PXN: variants seen among roughly 807,000 people sequenced by gnomAD.
The protein encoded by PXN is paxillin.
In PXN, 61 loss-of-function variants were observed where a neutral mutation model predicts 103.6. The ratio of observed to expected loss-of-function variants is 0.59; its 90% confidence interval spans 0.48 to 0.73. PXN has a LOEUF of 0.73. PXN is among the 30% of genes least tolerant of loss of function. PXN has a pLI of 0.00. For synonymous variants in PXN, 562 were observed against 607.8 expected (o/e 0.92, Z 1.11); for missense variants, 1,274 against 1,460.3 (o/e 0.87, Z 2.08).
rs1032487618 is a variant in PXN at position 120,210,884 on chromosome 12, C to A, written c.*1430G>T. 1.3e-5 allele frequency: 2 copies of A among 152,654 alleles called. No homozygotes were observed. Among genetic ancestry groups the A allele is most frequent in the East Asian group, 1.9e-4 (1 of 5,196 alleles). The allele number at this position is 152,654 out of a possible 1,614,324, so 9.5% of individuals were successfully genotyped here. A position where few individuals can be genotyped will look rare whatever the true frequency, so the allele number is the denominator to read the frequency against. ...GGGGGTTTCCCCAGAGGAGCCTGTC[C>A]CTCTGCCCCAAATCCTATCATGCTC... On this transcript the variant is annotated 3_prime_UTR_variant, in exon 15 of 15. Coordinates refer to ENST00000637617, the MANE Select transcript of PXN (RefSeq NM_001385981.1).
Position 120,212,044 on chromosome 12 carries a change from G to C in PXN, c.*270C>G. ...GTTCGTGGGGACGTACATGGGCTGG[G>C]GTGGAGCCCCCAGCCTCTACCCCTG... On this transcript the variant is annotated 3_prime_UTR_variant, in exon 15 of 15. Coordinates refer to ENST00000637617, the MANE Select transcript of PXN (RefSeq NM_001385981.1). This position sits in a 1 kb window ranked among gnomAD's most constrained non-coding sequence, Gnocchi z 7.2. The C allele has an allele frequency of 2.9e-6, 2 of 695,042 alleles. No homozygotes were observed. The highest frequency in any genetic ancestry group is 5.4e-6 in the Non-Finnish European group (2 of 373,718). The allele number at this position is 695,042 out of a possible 1,614,324, so 43.1% of individuals were successfully genotyped here.
At position 120,225,997 on chromosome 12, in the gene PXN, G is replaced by T; in HGVS notation, c.14-1620C>A. On this transcript the variant is annotated intron_variant, in intron 1 of 14. Coordinates refer to ENST00000637617, the MANE Select transcript of PXN (RefSeq NM_001385981.1). The surrounding 1 kb of genome is among the most constrained non-coding windows in gnomAD (Gnocchi z 4.4). ...GTCGCCTGACCTCCAAGGAAGTTCA[G>T]GTCCTACAGCCCGCCCCGCCCTCCG... 1 of 1,024,352 alleles carries T rather than the reference G, an allele frequency of 9.8e-7. No homozygotes were observed. Among genetic ancestry groups the T allele is most frequent in the Non-Finnish European group, 1.2e-6 (1 of 831,298 alleles). The allele number at this position is 1,024,352 out of a possible 1,614,324, so 63.5% of individuals were successfully genotyped here.
At chr12:120,232,875 C>A (rs1021000701) in intron 1 of PXN, among the ~76,000 whole-genome samples, 2 of 152,190 alleles carry the variant, frequency 1.3e-5, no homozygotes, top group Non-Finnish European at 2.9e-5. Context: ...AACCAGCCAG[C>A]ACCTTCCCCT....
chr12:120,237,650 TC>T (rs1444614512), intron 1 of PXN, among the ~76,000 whole-genome samples: 5 of 152,088 alleles, frequency 3.3e-5, no homozygotes, highest in Non-Finnish European at 4.4e-5. Flanking sequence ...CCCAGAGTGC[TC>T]CCCGAGCTGA....
At position 120,222,802 on chromosome 12, in the gene PXN, C is replaced by T. The variant is rs1885582636; in HGVS notation, c.494-52G>A. 1 of 1,603,860 alleles carries T rather than the reference C, an allele frequency of 6.2e-7. No individual in the cohort carries two copies. Among genetic ancestry groups the T allele is most frequent in the African/African-American group, 1.3e-5 (1 of 74,868 alleles). On this transcript the variant is annotated intron_variant, in intron 4 of 14. Transcript: ENST00000637617. The surrounding 1 kb of genome is among the most constrained non-coding windows in gnomAD (Gnocchi z 4.7). ...CTCAGCCCTTGAGCCCTCCTGGGATCTAGAGGTCAGCAGATGGGCCCTGGG... is the reference window on the plus strand; with the variant it reads ...CTCAGCCCTTGAGCCCTCCTGGGATTTAGAGGTCAGCAGATGGGCCCTGGG...
intron 1 of PXN, among the ~76,000 whole-genome samples, chr12:120,237,464 C>T (rs1386419170): frequency 6.6e-6 from 1 of 152,132 alleles, no homozygotes; most frequent in African/African-American, 2.4e-5. Context: ...GCCCCACCCG[C>T]ATGTGTTCCA....
At chr12:120,232,576 A>C (rs11065056) in intron 1 of PXN, among the ~76,000 whole-genome samples, 19,512 of 152,204 alleles carry the variant, frequency 0.13, 1,362 homozygotes, top group African/African-American at 0.15. Flanking sequence ...CAGGAGACTC[A>C]TGGGCTGGAA....
intron 1 of PXN, among the ~76,000 whole-genome samples, chr12:120,246,793 T>C (rs958020997): frequency 1.3e-5 from 2 of 150,632 alleles, no homozygotes; most frequent in African/African-American, 4.9e-5. Context: ...AGGCAGAGGT[T>C]GCAGTGAGCC....
chr12:120,243,116 G>A (rs913435583), intron 1 of PXN, among the ~76,000 whole-genome samples: 5 of 152,040 alleles, frequency 3.3e-5, no homozygotes, highest in African/African-American at 4.8e-5. Flanking sequence ...TTGCACACAC[G>A]TCCGCCCTCC....
intron 1 of PXN, among the ~76,000 whole-genome samples, chr12:120,251,438 A>ACC (rs1431811671): frequency 5.3e-5 from 8 of 151,360 alleles, no homozygotes; most frequent in South Asian, 4.2e-4. Context: ...AATCACTTGA[A>ACC]CATGGGAGGT....
In PXN at chr12:120,212,667, C is replaced by A; in HGVS notation, c.2980-87G>T. The A allele has an allele frequency of 6.7e-7, 1 of 1,501,800 alleles. No homozygotes were observed. Among genetic ancestry groups the A allele is most frequent in the Non-Finnish European group, 9.0e-7 (1 of 1,110,342 alleles). The allele number at this position is 1,501,800 out of a possible 1,614,324, so 93.0% of individuals were successfully genotyped here. A position where few individuals can be genotyped will look rare whatever the true frequency, so the allele number is the denominator to read the frequency against. Reference sequence around the variant, plus strand: ...ATGGGGCCGAGGTGGGCATAGTCGGCACGCTCGGAGTGACTCCTACTTGCT... The same window carrying A: ...ATGGGGCCGAGGTGGGCATAGTCGGAACGCTCGGAGTGACTCCTACTTGCT... On this transcript the variant is annotated intron_variant, in intron 14 of 14. Coordinates refer to ENST00000637617, the MANE Select transcript of PXN (RefSeq NM_001385981.1). This position sits in a 1 kb window ranked among gnomAD's most constrained non-coding sequence, Gnocchi z 7.2.
rs145128528 is a variant in PXN at position 120,220,358 on chromosome 12, G to C, written c.832-267C>G. Among the ~76,000 whole-genome samples the C allele has an allele frequency of 3.8e-3, 581 of 152,250 alleles. 2 individuals carry two copies. Among genetic ancestry groups the C allele is most frequent in the African/African-American group, 0.013 (553 of 41,540 alleles). On this transcript the variant is annotated intron_variant, in intron 6 of 14. Transcript: ENST00000637617. The surrounding 1 kb of genome is among the most constrained non-coding windows in gnomAD (Gnocchi z 6.1). The stretch of plus-strand genomic sequence containing the variant: ...CCCAGGGAGGGTATGAGAAAGAAAA[G>C]ACCACGGTAAGGTGGACAAATGGGG...
rs749454857 is a variant in PXN, at chr12:120,224,976, G to T, written c.14-599C>A. The T allele has an allele frequency of 3.8e-5, 13 of 343,076 alleles. No individual in the cohort carries two copies. The highest frequency in any genetic ancestry group is 7.0e-5 in the Non-Finnish European group (12 of 171,796). 21.3% of individuals were successfully genotyped at this position (343,076 alleles called of 1,614,324 possible). A position where few individuals can be genotyped will look rare whatever the true frequency, so the allele number is the denominator to read the frequency against. ...AGGTGGGGGCTGGAGTGAGGCTGGT[G>T]CAGCGGTCCCCACCCCCTCAGTGAG... On this transcript the variant is annotated intron_variant, in intron 1 of 14. Coordinates refer to ENST00000637617, the MANE Select transcript of PXN (RefSeq NM_001385981.1). The surrounding 1 kb of genome is among the most constrained non-coding windows in gnomAD (Gnocchi z 5.0).
chr12:120,216,728 AC>A lies in PXN; in HGVS notation c.1992+112del, dbSNP rs760330047. 373 of 1,593,224 alleles carry A rather than the reference AC, an allele frequency of 2.3e-4. No homozygotes were observed. Among genetic ancestry groups the A allele is most frequent in the Non-Finnish European group, 2.9e-4 (344 of 1,178,152 alleles). On this transcript the variant is annotated intron_variant, in intron 8 of 14. Coordinates refer to ENST00000637617, the MANE Select transcript of PXN (RefSeq NM_001385981.1). This position sits in a 1 kb window ranked among gnomAD's most constrained non-coding sequence, Gnocchi z 5.1. ...CTTCCAAAGTCACAGGAGGCAAGAA[AC>A]CCCCACCCTCTCCCCAGATCTCCCC...
chr12:120,229,817 G>A lies in PXN; in HGVS notation c.14-5440C>T, dbSNP rs770545773. ...CTAGTCCCAGATCAGCAGGAAGCAG[G>A]TAAATGTGGGGCATGGAGCCAGCTT... On this transcript the variant is annotated intron_variant, in intron 1 of 14. Transcript: ENST00000637617. This position sits in a 1 kb window ranked among gnomAD's most constrained non-coding sequence, Gnocchi z 4.0. Among the ~76,000 whole-genome samples the A allele has an allele frequency of 6.6e-5, 10 of 152,144 alleles. No homozygotes were observed. The highest frequency in any genetic ancestry group is 9.7e-5 in the African/African-American group (4 of 41,416).
rs1882101327 is a variant in PXN, at chr12:120,214,897, C to T, written c.2676G>A (p.Gln892=). The T allele has an allele frequency of 6.2e-7, 1 of 1,613,886 alleles. No homozygotes were observed. The highest frequency in any genetic ancestry group is 1.3e-5 in the African/African-American group (1 of 74,930). ...TGTGGTAGTCCTTTTCACAGTAGGG[C>T]TGTCCATCCCGCTCGAAGAAGTTCC... is the stretch of plus-strand genomic sequence containing the variant. ...GSRNFFERDG[Q]PYCEKDYHNL... is the part of the protein sequence containing the mutation. The change falls in exon 12 of 15, where the codon CAG becomes CAA. Residue 892 remains glutamine, a synonymous_variant. Transcript: ENST00000637617. This position sits in a 1 kb window ranked among gnomAD's most constrained non-coding sequence, Gnocchi z 5.0.
chr12:120,250,102 G>C (rs1293340582), intron 1 of PXN: 1 of 985,728 alleles, frequency 1.0e-6, no homozygotes. Flanking sequence ...CTGTCCCAGA[G>C]CACATCAGTG....
intron 1 of PXN, among the ~76,000 whole-genome samples, chr12:120,246,514 C>CA (rs139689226): frequency 0.019 from 1,076 of 57,834 alleles, 19 homozygotes; most frequent in African/African-American, 0.044. Flanking sequence ...GACTCTGTCT[C>CA]AAAAAAAAAA....
At position 120,216,433 on chromosome 12, in the gene PXN, C is replaced by T. The variant is rs764374186; in HGVS notation, c.2141G>A (p.Gly714Glu). 113 of 1,377,896 alleles carry T rather than the reference C, an allele frequency of 8.2e-5. No individual in the cohort carries two copies. The highest frequency in any genetic ancestry group is 2.6e-4 in the Middle Eastern group (1 of 3,776). The allele number at this position is 1,377,896 out of a possible 1,614,324, so 85.4% of individuals were successfully genotyped here. ...AGAACCACAGGTATAAGCTGAGGGC[C>T]CCAGGGGGGAGGAGGCGAGCAGGCT... ...LPSLLASSPL[G>E]PSAYTCGSSG... Residue 714 changes from glycine (G) to glutamate (E), a missense_variant, in exon 9 of 15, where the codon GGG becomes GAG. Gly to Glu is a moderately conservative substitution (Grantham distance 98, BLOSUM62 -2). This residue lies in a region of PXN where 1,178 missense variants were observed against 1,309.0 expected (regional missense o/e 0.90). Coordinates refer to ENST00000637617, the MANE Select transcript of PXN (RefSeq NM_001385981.1). This position sits in a 1 kb window ranked among gnomAD's most constrained non-coding sequence, Gnocchi z 5.1.
Sources: allele counts gnomAD v4.1 joint callset (sites outside exome capture counted in the v4.1 genomes callset), GRCh38; gene constraint gnomAD v4.1.1; regional missense constraint gnomAD v4.1.1; non-coding constraint Gnocchi (gnomAD v3.1); transcripts MANE v1.5; gene names NCBI Gene and HGNC (gene_info 2026-07-23, HGNC 2026-07-21).